Variants in DLG3 observed in about 807,000 individuals in gnomAD.
DLG3 encodes the protein disks large homolog 3.
Under a neutral mutation model 64.1 loss-of-function variants are expected in DLG3, and 1 was observed. The observed-to-expected ratio is 0.02, with a 90% confidence interval of 0.01 to 0.07. DLG3 has a LOEUF of 0.07. Among genes scored for constraint, DLG3 ranks in the 10% least tolerant of loss-of-function variants. DLG3 has a pLI of 1.00. For missense variants in DLG3, 429 were observed against 669.5 expected (o/e 0.64, Z 3.96); for synonymous variants, 245 against 259.8 (o/e 0.94, Z 0.55).
chrX:70,482,674 T>G (rs1300242007), intron 10 of DLG3, among the ~76,000 whole-genome samples: 5 of 89,261 alleles, frequency 5.6e-5, no homozygotes, highest in African/African-American at 2.2e-4. Context: ...TTTTTTTTTT[T>G]TTTTTTTTTT....
intron 9 of DLG3, among the ~76,000 whole-genome samples, chrX:70,474,510 T>C (rs768854236): frequency 7.7e-4 from 85 of 109,860 alleles, no homozygotes; most frequent in Non-Finnish European, 1.4e-3. Flanking sequence ...GGGTTTGGCA[T>C]GAGGAAAAAA....
At chrX:70,452,362 C>CT in intron 7 of DLG3, 1 of 971,136 alleles carries the variant, frequency 1.0e-6, no homozygotes, top group South Asian at 4.8e-5. Context: ...GCAGCCCGCT[C>CT]TGCTGCAACC....
intron 12 of DLG3, chrX:70,493,337 T>C: frequency 1.8e-6 from 2 of 1,117,751 alleles, no homozygotes; most frequent in Non-Finnish European, 2.4e-6. Flanking sequence ...TTTTTTTTTT[T>C]CTTCTGTCCT....
intron 10 of DLG3, among the ~76,000 whole-genome samples, chrX:70,486,650 C>CTT (rs371561978): frequency 0.016 from 1,110 of 71,475 alleles, 20 homozygotes; most frequent in African/African-American, 0.045. Flanking sequence ...ATACCTTTTG[C>CTT]TTTTTTTTTT....
intron 10 of DLG3, among the ~76,000 whole-genome samples, chrX:70,483,907 T>G (rs1359369969): frequency 1.8e-5 from 2 of 112,178 alleles, no homozygotes; most frequent in Non-Finnish European, 3.8e-5. Context: ...AGGATTTGCC[T>G]TGCCCACTGG....
At chrX:70,450,365 C>T (rs2086605512) in intron 5 of DLG3, 60 bp downstream of exon 5, 1 of 1,133,294 alleles carries the variant, frequency 8.8e-7, no homozygotes, top group East Asian at 3.3e-5. Context: ...GCTCCAGTAC[C>T]CCTTACTCCG....
intron 8 of DLG3, 85 bp from the exon 9 acceptor site, chrX:70,454,129 G>A (rs1209059192): frequency 7.6e-5 from 65 of 854,403 alleles, no homozygotes; most frequent in Non-Finnish European, 3.4e-6. Context: ...TAGGGGTGGG[G>A]TACCCATCTC....
At chrX:70,467,780 T>C (rs1478915786) in intron 9 of DLG3, among the ~76,000 whole-genome samples, 1 of 112,373 alleles carries the variant, frequency 8.9e-6, no homozygotes, top group Non-Finnish European at 1.9e-5. Flanking sequence ...AAATCTGTCT[T>C]TATTCTCATG....
chrX:70,499,779 C>T, intron 15 of DLG3, 98 bp from the exon 16 acceptor site: 1 of 932,458 alleles, frequency 1.1e-6, no homozygotes, highest in African/African-American at 1.9e-5. Context: ...ATGGAGTGGC[C>T]CAGTGACCCA....
chrX:70,445,676 C>G (rs958433176), intron 1 of DLG3, 118 bp downstream of exon 1: 193 of 672,461 alleles, frequency 2.9e-4, no homozygotes, highest in Non-Finnish European at 3.9e-4. Context: ...ACCCCGAGCC[C>G]TAGCATTGCA....
intron 18 of DLG3, among the ~76,000 whole-genome samples, chrX:70,501,445 G>GTGTGTGTGTGTGT (rs2087561697): frequency 2.7e-5 from 3 of 109,378 alleles, no homozygotes; most frequent in African/African-American, 6.7e-5. Flanking sequence ...GTGTGTGTAA[G>GTGTGTGTGTGTGT]GTCAGTTCCT....
chrX:70,490,006 G>A (rs1306441254), intron 10 of DLG3, among the ~76,000 whole-genome samples: 1 of 110,476 alleles, frequency 9.1e-6, no homozygotes, highest in Non-Finnish European at 1.9e-5. Context: ...GAAATTACAG[G>A]TGCCCGCTAC....
intron 9 of DLG3, among the ~76,000 whole-genome samples, chrX:70,463,911 A>G (rs1219859774): frequency 8.9e-6 from 1 of 112,156 alleles, no homozygotes; most frequent in Non-Finnish European, 1.9e-5. Flanking sequence ...GGGTCTTGCT[A>G]TGTTGCCCAG....
At chrX:70,474,793 CA>C (rs2087026474) in intron 9 of DLG3, among the ~76,000 whole-genome samples, 1 of 111,576 alleles carries the variant, frequency 9.0e-6, no homozygotes, top group Non-Finnish European at 1.9e-5. Context: ...TTTGCATAAC[CA>C]AAAGGCTCAT....
chrX:70,491,482 T>C (rs2087356409), intron 10 of DLG3, among the ~76,000 whole-genome samples: 1 of 112,752 alleles, frequency 8.9e-6, no homozygotes, highest in African/African-American at 3.2e-5. Flanking sequence ...CTGGGTTTTG[T>C]CCCAGGTTGG....
rs753026876 is a variant in DLG3, at chrX:70,449,486, G to A, written c.533+3G>A. On this transcript the variant is annotated splice_donor_region_variant and intron_variant, in intron 3 of 18. Coordinates refer to ENST00000374360, the MANE Select transcript of DLG3 (RefSeq NM_021120.4). ...GCTGCCATGGATGGGAGGCTGGGGTGAGATGGCCTGGAAGCAGGGTTGTGG... is the reference window on the plus strand; with the variant it reads ...GCTGCCATGGATGGGAGGCTGGGGTAAGATGGCCTGGAAGCAGGGTTGTGG... 11 of 1,207,082 alleles carry A rather than the reference G, an allele frequency of 9.1e-6. No homozygotes were observed. Among genetic ancestry groups the A allele is most frequent in the Non-Finnish European group, 3.4e-6 (3 of 894,087 alleles).
chrX:70,479,359 T>C, intron 10 of DLG3, 95 bp downstream of exon 10: 9 of 652,071 alleles, frequency 1.4e-5, no homozygotes, highest in Non-Finnish European at 2.3e-5. Flanking sequence ...CTAGGGAGTA[T>C]GTACTCCCAG....
At chrX:70,500,140 C>A in intron 16 of DLG3, 91 bp downstream of exon 16, 1 of 867,979 alleles carries the variant, frequency 1.2e-6, no homozygotes, top group Non-Finnish European at 1.7e-6. Flanking sequence ...AGGAGCTGCC[C>A]AACAGTGCTG....
At chrX:70,462,252 T>C (rs2086818362) in intron 9 of DLG3, among the ~76,000 whole-genome samples, 1 of 83,103 alleles carries the variant, frequency 1.2e-5, no homozygotes, top group South Asian at 6.4e-4. Flanking sequence ...TCTTTTTTTT[T>C]TTTTTTTTTT....
Sources: gnomAD v4.1 joint callset for allele counts (sites outside exome capture counted in the v4.1 genomes callset) on GRCh38, gnomAD v4.1.1 for gene constraint, MANE v1.5 for transcripts, NCBI Gene and HGNC (gene_info 2026-07-23, HGNC 2026-07-21) for gene names.